Variants in ADARB1 observed in about 807,000 individuals in gnomAD.
ADARB1 encodes the protein adenosine deaminase RNA specific B1.
ADARB1 carries 10 observed loss-of-function variants against 52.4 expected under a neutral mutation model. The ratio of observed to expected loss-of-function variants is 0.19; its 90% CI spans 0.12 to 0.32. ADARB1 has a LOEUF of 0.32. Among genes scored for constraint, ADARB1 ranks in the 10% least tolerant of loss-of-function variants. The pLI is 1.00. For synonymous variants in ADARB1, 349 were observed against 371.1 expected, an observed-to-expected ratio of 0.94 and a Z score of 0.68; for missense variants, 643 against 922.3, an observed-to-expected ratio of 0.70 and a Z score of 3.92.
chr21:45,078,273 T>A (rs2086023581), intron 1 of ADARB1, among the ~76,000 whole-genome samples: 1 of 152,196 alleles, frequency 6.6e-6, no homozygotes, highest in African/African-American at 2.4e-5. Flanking sequence ...AGTTTGGTGA[T>A]TTTGGAACCT....
intron 2 of ADARB1, chr21:45,152,724 T>C (rs1174413509): frequency 4.8e-6 from 2 of 419,378 alleles, no homozygotes; most frequent in Admixed American, 5.1e-5. Context: ...TCATTTAGTT[T>C]TTATTCTTCA....
chr21:45,191,880 ATTTTTTTTTTTTTTTT>A (rs777269104), intron 8 of ADARB1, among the ~76,000 whole-genome samples: 262 of 15,646 alleles, frequency 0.017, no homozygotes, highest in Admixed American at 0.13. Flanking sequence ...ATATATATAT[ATTTTTTTTTTTTTTTT>A]TTTTTTTTTT....
At chr21:45,120,342 A>G (rs142954198) in intron 1 of ADARB1, among the ~76,000 whole-genome samples, 1 of 152,346 alleles carries the variant, frequency 6.6e-6, no homozygotes, top group Non-Finnish European at 1.5e-5. Context: ...TTTTCGTTAG[A>G]AAAATTCATC....
chr21:45,115,421 G>C (rs1210166431), intron 1 of ADARB1, among the ~76,000 whole-genome samples: 1 of 152,198 alleles, frequency 6.6e-6, no homozygotes, highest in African/African-American at 2.4e-5. Context: ...GCATTAGCCG[G>C]TCAGGGCGAT....
rs372876372 is a variant in ADARB1, at chr21:45,169,933, A to C, written c.-47-1677A>C. On this transcript the variant is annotated intron_variant, in intron 2 of 10. Coordinates refer to ENST00000348831, the MANE Select transcript of ADARB1 (RefSeq NM_001112.4). ...TCCCTCCAGCCAGGAGGCTCCTGGG[A>C]GCACCCACAGCCTACTGAGGGCATC... Among the ~76,000 whole-genome samples the C allele has an allele frequency of 1.1e-4, 17 of 152,302 alleles. No individual in the cohort carries two copies. In the South Asian group the frequency reaches 2.7e-3, roughly 24 times the overall value.
chr21:45,148,431 C>G (rs1268116796), intron 2 of ADARB1, among the ~76,000 whole-genome samples: 1 of 152,218 alleles, frequency 6.6e-6, no homozygotes, highest in East Asian at 1.9e-4. Flanking sequence ...AGGCTCCCAC[C>G]TGATGACACT....
Position 45,176,279 on chromosome 21 carries a change from G to T in ADARB1, c.578G>T (p.Gly193Val), listed in dbSNP as rs976576379. Residue 193 changes from glycine (G) to valine (V), a missense_variant, in exon 4 of 11, where the codon GGC becomes GTC. Around this residue, in one of 2 missense-constraint regions of ADARB1, gnomAD observed 380 missense variants for 446.5 expected, o/e 0.85. Coordinates refer to ENST00000348831, the MANE Select transcript of ADARB1 (RefSeq NM_001112.4). The surrounding 1 kb of genome is among the most constrained non-coding windows in gnomAD (Gnocchi z 5.8). ...PDKAEPPFYVGSNGDDSFSSS... is the reference protein window; with the variant it reads ...PDKAEPPFYVVSNGDDSFSSS... ...AAGGCGGAGCCTCCCTTTTACGTGG[G>T]CTCCAATGGGGATGACTCCTTCAGT... 3 of 1,614,152 alleles carry T rather than the reference G, an allele frequency of 1.9e-6. No individual in the cohort carries two copies. The highest frequency in any genetic ancestry group is 2.5e-6 in the Non-Finnish European group (3 of 1,180,016).
intron 1 of ADARB1, among the ~76,000 whole-genome samples, chr21:45,080,091 G>C (rs1454071108): frequency 6.6e-6 from 1 of 152,154 alleles, no homozygotes; most frequent in Non-Finnish European, 1.5e-5. Flanking sequence ...TATTGGCTTT[G>C]ATAAGAGGTG....
chr21:45,129,997 T>A (rs1407870664), intron 2 of ADARB1, among the ~76,000 whole-genome samples: 1 of 152,152 alleles, frequency 6.6e-6, no homozygotes, highest in African/African-American at 2.4e-5. Context: ...AAGGTCAAAA[T>A]CAGGTCACCT....
intron 4 of ADARB1, chr21:45,177,580 A>G (rs950453524): frequency 1.3e-5 from 2 of 152,220 alleles, no homozygotes; most frequent in African/African-American, 4.8e-5. Context: ...GGTCTATTGC[A>G]AAAGTTATTT....
At chr21:45,115,408 G>A (rs779769102) in intron 1 of ADARB1, among the ~76,000 whole-genome samples, 3 of 152,236 alleles carry the variant, frequency 2.0e-5, no homozygotes, top group Non-Finnish European at 4.4e-5. Flanking sequence ...GCTTCCTCAC[G>A]GGGCATTAGC....
In ADARB1 at chr21:45,222,386, G is replaced by A; in HGVS notation, c.*189G>A. 7 of 1,335,106 alleles carry A rather than the reference G, an allele frequency of 5.2e-6. No individual in the cohort carries two copies. Among genetic ancestry groups the A allele is most frequent in the Non-Finnish European group, 5.7e-6 (6 of 1,049,484 alleles). The allele number at this position is 1,335,106 out of a possible 1,614,324, so 82.7% of individuals were successfully genotyped here. A position where few individuals can be genotyped will look rare whatever the true frequency, so the allele number is the denominator to read the frequency against. ...CTGGGGCAGGTGCGCAGTGTGGGGA[G>A]GGGATGGGGTGCGTCAGGGCCCAGC... On this transcript the variant is annotated 3_prime_UTR_variant, in exon 11 of 11. Transcript: ENST00000348831.
intron 2 of ADARB1, among the ~76,000 whole-genome samples, chr21:45,135,154 C>A (rs937358842): frequency 2.0e-5 from 3 of 152,192 alleles, no homozygotes; most frequent in African/African-American, 7.2e-5. Flanking sequence ...GCTGATGGGG[C>A]CTTGTCTGGA....
chr21:45,155,714 T>G (rs1464447781), intron 2 of ADARB1, among the ~76,000 whole-genome samples: 1 of 147,592 alleles, frequency 6.8e-6, no homozygotes, highest in Non-Finnish European at 1.5e-5. Flanking sequence ...CACCCATCTA[T>G]TCATCCATCC....
intron 1 of ADARB1, among the ~76,000 whole-genome samples, chr21:45,075,414 G>A (rs1211149894): frequency 6.6e-6 from 1 of 151,514 alleles, no homozygotes; most frequent in Non-Finnish European, 1.5e-5. Context: ...TGCCACGGGA[G>A]TGGAGACTGC....
intron 8 of ADARB1, among the ~76,000 whole-genome samples, chr21:45,185,483 G>A (rs577089426): frequency 6.6e-6 from 1 of 152,304 alleles, no homozygotes; most frequent in South Asian, 2.1e-4. Flanking sequence ...AACATTTTAG[G>A]TAGTTGATAT....
Position 45,210,357 on chromosome 21 carries a change from G to C in ADARB1, c.1747+5621G>C. On this transcript the variant is annotated intron_variant, in intron 9 of 10. Transcript: ENST00000348831. ...GATCTGGCTGAAAGGATTAACCCAC[G>C]TGATCTCCAGGTGTCTTCTAAACTC... 1.3e-5 allele frequency among the ~76,000 whole-genome samples: 2 copies of C among 152,154 alleles called. 1 individual carries two copies. The highest frequency in any genetic ancestry group is 2.9e-5 in the Non-Finnish European group (2 of 68,030).
At chr21:45,190,425 C>A (rs2092250085) in intron 8 of ADARB1, among the ~76,000 whole-genome samples, 1 of 152,148 alleles carries the variant, frequency 6.6e-6, no homozygotes, top group Non-Finnish European at 1.5e-5. Context: ...CTTTTTTAGA[C>A]AGCTGATAGA....
chr21:45,153,412 C>T (rs568409519), intron 2 of ADARB1, among the ~76,000 whole-genome samples: 144 of 152,014 alleles, frequency 9.5e-4, no homozygotes, highest in African/African-American at 2.8e-3. Flanking sequence ...GTGTCTAGCC[C>T]GGAGAACAGC....
Sources: allele counts gnomAD v4.1 joint callset (sites outside exome capture counted in the v4.1 genomes callset), GRCh38; gene constraint gnomAD v4.1.1; regional missense constraint gnomAD v4.1.1; non-coding constraint Gnocchi (gnomAD v3.1); transcripts MANE v1.5; gene names NCBI Gene and HGNC (gene_info 2026-07-23, HGNC 2026-07-21).